FOXJ3: variants seen among roughly 807,000 people sequenced by gnomAD.
The protein encoded by FOXJ3 is forkhead box J3.
In FOXJ3, 22 loss-of-function variants were observed where a neutral mutation model predicts 76.1. That is an observed-to-expected ratio of 0.29 (90% CI 0.21 to 0.41). FOXJ3 has a LOEUF of 0.41. Ranked by LOEUF, FOXJ3 falls within the 10% of genes least tolerant of loss-of-function variation. The pLI is 1.00. For missense variants in FOXJ3, 613 were observed against 762.1 expected, an observed-to-expected ratio of 0.80 and a Z score of 2.30; for synonymous variants, 269 against 261.2, an observed-to-expected ratio of 1.03 and a Z score of -0.29.
intron 1 of FOXJ3, among the ~76,000 whole-genome samples, chr1:42,326,174 C>G (rs1053852153): frequency 2.0e-5 from 3 of 152,080 alleles, no homozygotes; most frequent in African/African-American, 7.2e-5. Flanking sequence ...TCACTTGAAC[C>G]CAGGAGGTTG....
rs924482313 is a variant in FOXJ3 at position 42,189,197 on chromosome 1, A to T, written c.1453+106T>A. On this transcript the variant is annotated intron_variant, in intron 10 of 12. Coordinates refer to ENST00000361346, the MANE Select transcript of FOXJ3 (RefSeq NM_014947.5). ...ATGAATTTTACCAACTGCAAAAGAAATGCTATATAAGATGATGTTTATTTC... is the reference window on the plus strand; with the variant it reads ...ATGAATTTTACCAACTGCAAAAGAATTGCTATATAAGATGATGTTTATTTC... 5.1e-6 allele frequency: 4 copies of T among 785,472 alleles called. No individual in the cohort carries two copies. The Admixed American group carries it at 1.1e-4, about 22-fold the overall frequency. 48.7% of individuals were successfully genotyped at this position (785,472 alleles called of 1,614,324 possible).
intron 4 of FOXJ3, among the ~76,000 whole-genome samples, chr1:42,234,406 A>G (rs886146753): frequency 5.3e-5 from 8 of 152,138 alleles, no homozygotes; most frequent in Non-Finnish European, 8.8e-5. Flanking sequence ...AGCTCGTCAA[A>G]GTCATTCTCC....
At chr1:42,199,969 T>C (rs1197593944) in intron 6 of FOXJ3, among the ~76,000 whole-genome samples, 1 of 124,150 alleles carries the variant, frequency 8.1e-6, no homozygotes, top group African/African-American at 3.1e-5. Flanking sequence ...ATCACGCCAC[T>C]GCACTCCAGC....
At chr1:42,199,385 T>A (rs1372152421) in intron 6 of FOXJ3, among the ~76,000 whole-genome samples, 155 bp from the exon 7 acceptor site, 2 of 152,154 alleles carry the variant, frequency 1.3e-5, no homozygotes, top group Non-Finnish European at 2.9e-5. Flanking sequence ...TATGGCTAAG[T>A]TCGTGTTCAT....
At chr1:42,317,446 TGAG>T (rs948719064) in intron 1 of FOXJ3, among the ~76,000 whole-genome samples, 2 of 148,198 alleles carry the variant, frequency 1.3e-5, no homozygotes, top group Admixed American at 6.8e-5. Flanking sequence ...ATTAAAATCA[TGAG>T]GATCTGCAAT....
At chr1:42,306,018 G>C (rs770948642) in intron 2 of FOXJ3, among the ~76,000 whole-genome samples, 1 of 151,926 alleles carries the variant, frequency 6.6e-6, no homozygotes, top group African/African-American at 2.4e-5. Context: ...GAAACAAAAG[G>C]AAGTTACAAA....
At chr1:42,315,347 T>G (rs1655043676) in intron 1 of FOXJ3, 1 of 840,756 alleles carries the variant, frequency 1.2e-6, no homozygotes, top group African/African-American at 1.8e-5. Flanking sequence ...GATTTTTACC[T>G]GAATAAAAAG....
chr1:42,328,232 G>A (rs1038464850), intron 1 of FOXJ3, among the ~76,000 whole-genome samples: 1 of 152,212 alleles, frequency 6.6e-6, no homozygotes, highest in African/African-American at 2.4e-5. Flanking sequence ...GCAGTTGGGA[G>A]GTTGCAATGA....
At chr1:42,248,261 G>A (rs552335968) in intron 4 of FOXJ3, among the ~76,000 whole-genome samples, 9 of 152,258 alleles carry the variant, frequency 5.9e-5, no homozygotes, top group East Asian at 1.9e-4. Flanking sequence ...TTGGCCGGGC[G>A]TGGTGGCTCA....
At chr1:42,324,529 A>G (rs1655714142) in intron 1 of FOXJ3, among the ~76,000 whole-genome samples, 1 of 151,964 alleles carries the variant, frequency 6.6e-6, no homozygotes, top group South Asian at 2.1e-4. Flanking sequence ...CAACAGGGAT[A>G]CTTTCTAAGA....
At chr1:42,327,311 C>T (rs1655896220) in intron 1 of FOXJ3, among the ~76,000 whole-genome samples, 1 of 152,256 alleles carries the variant, frequency 6.6e-6, no homozygotes, top group East Asian at 1.9e-4. Context: ...CAGAAAGAGA[C>T]GCCATGTATC....
intron 2 of FOXJ3, among the ~76,000 whole-genome samples, chr1:42,283,210 A>C (rs992396364): frequency 1.3e-5 from 2 of 152,254 alleles, no homozygotes; most frequent in African/African-American, 4.8e-5. Flanking sequence ...AAAGCAAAGC[A>C]CAGAGAAGAA....
intron 5 of FOXJ3, among the ~76,000 whole-genome samples, chr1:42,222,104 A>AGAAGAAGAAGAAGAG (rs1557649845): frequency 6.7e-6 from 1 of 148,474 alleles, no homozygotes; most frequent in Non-Finnish European, 1.5e-5. Context: ...AAGAAGAAGA[A>AGAAGAAGAAGAAGAG]GAAGAAATAA....
At chr1:42,255,233 G>A (rs1650483753) in intron 4 of FOXJ3, among the ~76,000 whole-genome samples, 1 of 152,114 alleles carries the variant, frequency 6.6e-6, no homozygotes, top group Non-Finnish European at 1.5e-5. Context: ...ATTTTTAAAT[G>A]GATGGCAAGA....
intron 2 of FOXJ3, among the ~76,000 whole-genome samples, chr1:42,291,363 T>C (rs1473116609): frequency 6.6e-6 from 1 of 152,088 alleles, no homozygotes; most frequent in Non-Finnish European, 1.5e-5. Context: ...CCAAAAGCAA[T>C]CACAGTTCAT....
intron 2 of FOXJ3, among the ~76,000 whole-genome samples, chr1:42,300,932 C>T: frequency 6.6e-6 from 1 of 152,122 alleles, no homozygotes; most frequent in Admixed American, 6.5e-5. Context: ...TCTCTTGCTA[C>T]TCTTAGAATT....
chr1:42,327,351 A>C (rs552059686), intron 1 of FOXJ3, among the ~76,000 whole-genome samples: 1 of 152,300 alleles, frequency 6.6e-6, no homozygotes, highest in Admixed American at 6.5e-5. Context: ...AGTCTGCTCC[A>C]TCCTCATTCA....
chr1:42,280,438 TAAAAAAAAAAAAAAAAA>T, intron 2 of FOXJ3: 1 of 77,130 alleles, frequency 1.3e-5, no homozygotes, highest in Non-Finnish European at 1.9e-5. Context: ...TCAGAGATCT[TAAAAAAAAAAAAAAAAA>T]AAAAAAAAAA....
chr1:42,323,542 T>C (rs992856196), intron 1 of FOXJ3: 1 of 176,198 alleles, frequency 5.7e-6, no homozygotes, highest in African/African-American at 2.4e-5. Flanking sequence ...GAATGCTCCA[T>C]GTCTAATCTT....
Sources: allele counts gnomAD v4.1 joint callset (sites outside exome capture counted in the v4.1 genomes callset), GRCh38; gene constraint gnomAD v4.1.1; transcripts MANE v1.5; gene names NCBI Gene and HGNC (gene_info 2026-07-23, HGNC 2026-07-21).